The following SH2D3A variants were observed in gnomAD, a reference collection of about 807,000 sequenced individuals.
The protein encoded by SH2D3A is SH2 domain containing 3A.
A neutral mutation model predicts 50.6 loss-of-function variants in SH2D3A; 46 were observed. That is an observed-to-expected ratio of 0.91 (90% CI 0.72 to 1.16). SH2D3A has a LOEUF of 1.16. Ranked by LOEUF, SH2D3A falls within the 50% of genes most tolerant of loss-of-function variation. The probability of loss-of-function intolerance (pLI) is 0.00; values close to 1 mark genes in which losing one functional copy is unlikely to be tolerated. For synonymous variants in SH2D3A, 377 were observed against 348.4 expected, an observed-to-expected ratio of 1.08 and a Z score of -0.91; for missense variants, 783 against 786.2, an observed-to-expected ratio of 1.00 and a Z score of 0.05.
In SH2D3A at chr19:6,755,178, T is replaced by C; in HGVS notation, c.634A>G (p.Lys212Glu). Residue 212 changes from lysine to glutamate, a missense_variant, in exon 5 of 10, where the codon AAG becomes GAG. Physicochemically the swap from Lys to Glu is moderately conservative, Grantham distance 56 (BLOSUM62 1). Coordinates refer to ENST00000245908, the MANE Select transcript of SH2D3A (RefSeq NM_005490.3). ...DGQLQAKAPT[K>E]PPRTPSFELP... The stretch of plus-strand genomic sequence containing the variant: ...TCGAAGGAGGGTGTCCGGGGGGGCT[T>C]CGTTGGTGCCTTGGCTTGAAGCTGC... 1 of 1,598,268 alleles carries C rather than the reference T, an allele frequency of 6.3e-7. No individual in the cohort carries two copies. Among genetic ancestry groups the C allele is most frequent in the Non-Finnish European group, 8.5e-7 (1 of 1,170,284 alleles).
At chr19:6,761,234 G>C in intron 2 of SH2D3A, 1 of 508,308 alleles carries the variant, frequency 2.0e-6, no homozygotes, top group Non-Finnish European at 3.5e-6. Context: ...CCAATGGGAT[G>C]TGGGGTAGAA....
chr19:6,761,930 C>T (rs1193116577), intron 2 of SH2D3A, among the ~76,000 whole-genome samples: 1 of 136,366 alleles, frequency 7.3e-6, no homozygotes, highest in Non-Finnish European at 1.5e-5. Flanking sequence ...GCATGGGTGA[C>T]AGAGTGAGAT....
chr19:6,764,558 A>G (rs1469927973), intron 1 of SH2D3A: 1 of 152,182 alleles, frequency 6.6e-6, no homozygotes, highest in Non-Finnish European at 1.5e-5. Context: ...CATTGAACAA[A>G]ACAGATGGAA....
chr19:6,763,614 G>A, intron 2 of SH2D3A, 66 bp downstream of exon 2: 2 of 1,491,000 alleles, frequency 1.3e-6, no homozygotes, highest in South Asian at 1.2e-5. Flanking sequence ...AGGGACCCAG[G>A]AATCCTCAGC....
rs554493521 is a variant in SH2D3A at position 6,760,303 on chromosome 19, G to A, written c.419+335C>T. 2.3e-3 allele frequency among the ~76,000 whole-genome samples: 352 copies of A among 152,336 alleles called. 1 individual carries two copies. Among genetic ancestry groups the A allele is most frequent in the African/African-American group, 7.9e-3 (327 of 41,564 alleles). On this transcript the variant is annotated intron_variant, in intron 3 of 9. Transcript: ENST00000245908. ...AGACAGGAGAATTGCTTGAACCCGG[G>A]AGGCGGAGGTTGCAGTGGGCTGAGA...
At position 6,760,798 on chromosome 19, in the gene SH2D3A, T is replaced by TG; in HGVS notation, c.258dup (p.Ser87GlnfsTer39). The stretch of plus-strand genomic sequence containing the variant: ...TAACTGTGAACCAGAGCCGGTATGC[T>TG]GGGGAATTGCTCATCCTCCAGTTGA... On this transcript the variant is annotated frameshift_variant, in exon 3 of 10. Coordinates refer to ENST00000245908, the MANE Select transcript of SH2D3A (RefSeq NM_005490.3). LOFTEE classifies it high-confidence loss of function. The TG allele has an allele frequency of 1.2e-6, 2 of 1,614,254 alleles. No homozygotes were observed. The highest frequency in any genetic ancestry group is 1.7e-6 in the Non-Finnish European group (2 of 1,180,040).
intron 2 of SH2D3A, among the ~76,000 whole-genome samples, chr19:6,762,700 G>C (rs1361114319): frequency 1.5e-5 from 2 of 132,228 alleles, no homozygotes; most frequent in Non-Finnish European, 3.2e-5. Flanking sequence ...TTTTTTTTGT[G>C]TAGAGACAGA....
At chr19:6,765,438 A>G (rs36053890) in intron 1 of SH2D3A, among the ~76,000 whole-genome samples, 15,437 of 152,010 alleles carry the variant, frequency 0.1, 905 homozygotes, top group South Asian at 0.21. Flanking sequence ...TCTAACCCCT[A>G]TTCTTTGCTT....
In SH2D3A at chr19:6,760,943, G is replaced by A. The variant is rs371648594; in HGVS notation, c.114C>T (p.Arg38=). 3.0e-5 allele frequency: 49 copies of A among 1,613,394 alleles called. No homozygotes were observed. The highest frequency in any genetic ancestry group is 2.9e-4 in the East Asian group (13 of 44,898). ...LLQQNGDFLV[R]ASGSRGGNPV... ...GGTTGCCCCCACGGGACCCAGAGGC[G>A]CGAACCAGGAAGTCGCCATTTTGCT... Residue 38 remains arginine (R), a synonymous_variant, in exon 3 of 10, where the codon CGC becomes CGT. Transcript: ENST00000245908.
intron 2 of SH2D3A, among the ~76,000 whole-genome samples, chr19:6,763,255 G>A (rs1018931481): frequency 6.6e-6 from 1 of 151,878 alleles, no homozygotes; most frequent in Non-Finnish European, 1.5e-5. Flanking sequence ...TTAGAGATGG[G>A]GTTTCACAAT....
At chr19:6,761,251 T>A in intron 2 of SH2D3A, 1 of 462,130 alleles carries the variant, frequency 2.2e-6, no homozygotes, top group Admixed American at 3.9e-5. Context: ...AGAAGGGCTA[T>A]GGGAAATATC....
At chr19:6,757,879 G>T (rs1021686600) in intron 4 of SH2D3A, 2 of 152,150 alleles carry the variant, frequency 1.3e-5, no homozygotes, top group East Asian at 3.9e-4. Context: ...GGAGGTGGAG[G>T]TTGCAGTGAG....
chr19:6,759,742 C>A, intron 3 of SH2D3A, 72 bp from the exon 4 acceptor site: 1 of 1,479,128 alleles, frequency 6.8e-7, no homozygotes. Flanking sequence ...CTGCAAAACC[C>A]TGTGTCCAGT....
rs1023691877 is a variant in SH2D3A at position 6,754,963 on chromosome 19, A to C, written c.849T>G (p.His283Gln). 3 of 1,613,916 alleles carry C rather than the reference A, an allele frequency of 1.9e-6. No individual in the cohort carries two copies. The highest frequency in any genetic ancestry group is 2.5e-6 in the Non-Finnish European group (3 of 1,179,922). ...GGCCCAGCAGGCAGGAGGGGGCATCATGGGGGCAGAAAGAGATCTCAGCCT... is the reference window on the plus strand; with the variant it reads ...GGCCCAGCAGGCAGGAGGGGGCATCCTGGGGGCAGAAAGAGATCTCAGCCT... Reference protein sequence around the residue: ...RPQAEISFCPHDAPSCLLGPQ... With the variant: ...RPQAEISFCPQDAPSCLLGPQ... The change falls in exon 5 of 10, where the codon CAT (histidine) becomes CAG (glutamine). Residue 283 changes from histidine to glutamine, a missense_variant. Physicochemically the swap from His to Gln is conservative, Grantham distance 24 (BLOSUM62 0). Coordinates refer to ENST00000245908, the MANE Select transcript of SH2D3A (RefSeq NM_005490.3).
intron 4 of SH2D3A, 59 bp from the exon 5 acceptor site, chr19:6,755,374 G>A (rs1027833040): frequency 2.4e-6 from 3 of 1,259,070 alleles, no homozygotes; most frequent in East Asian, 2.5e-5. Context: ...TGAATGGGCG[G>A]GGGTGAGAGC....
Position 6,753,767 on chromosome 19 carries a change from C to T in SH2D3A, c.1385-126G>A, listed in dbSNP as rs1390721874. 1.3e-5 allele frequency: 14 copies of T among 1,071,408 alleles called. 1 individual carries two copies. The highest frequency in any genetic ancestry group is 8.6e-5 in the South Asian group (5 of 58,164). 66.4% of individuals were successfully genotyped at this position (1,071,408 alleles called of 1,614,324 possible). ...CGACAGCGGGGTCTGTGGAGAGGGG[C>T]CAGGACCACACGCCCCGTATGGAGG... On this transcript the variant is annotated intron_variant, in intron 8 of 9. Transcript: ENST00000245908.
chr19:6,752,503 G>A lies in SH2D3A; in HGVS notation c.*90C>T, dbSNP rs1969369528. The A allele has an allele frequency of 1.6e-6, 2 of 1,255,966 alleles. No homozygotes were observed. Among genetic ancestry groups the A allele is most frequent in the Admixed American group, 2.9e-5 (1 of 34,122 alleles). The allele number at this position is 1,255,966 out of a possible 1,614,324, so 77.8% of individuals were successfully genotyped here. On this transcript the variant is annotated 3_prime_UTR_variant, in exon 10 of 10. Transcript: ENST00000245908. Reference sequence around the variant, plus strand: ...AGGCACAGGGCAGGATTCCACCTGAGGCGCGAGGAGCCTGGGACGACTCCT... The same window carrying A: ...AGGCACAGGGCAGGATTCCACCTGAAGCGCGAGGAGCCTGGGACGACTCCT...
chr19:6,760,903 G>A lies in SH2D3A; in HGVS notation c.154C>T (p.Arg52Cys), dbSNP rs764885044. The A allele has an allele frequency of 1.4e-5, 23 of 1,614,100 alleles. No individual in the cohort carries two copies. Among genetic ancestry groups the A allele is most frequent in the Non-Finnish European group, 1.5e-5 (18 of 1,180,044 alleles). ...SRGGNPVISC[R>C]WRGSALHFEV... Reference sequence around the variant, plus strand: ...AAATGGAGGGCTGAGCCCCGCCAGCGGCAGGAGATCACGGGGTTGCCCCCA... The same window carrying A: ...AAATGGAGGGCTGAGCCCCGCCAGCAGCAGGAGATCACGGGGTTGCCCCCA... The change falls in exon 3 of 10, where the codon CGC becomes TGC. Residue 52 changes from arginine to cysteine, a missense_variant. By Grantham distance (180) the Arg-to-Cys change is radical. Transcript: ENST00000245908.
At chr19:6,759,270 C>T (rs1192654599) in intron 4 of SH2D3A, 3 of 267,266 alleles carry the variant, frequency 1.1e-5, no homozygotes, top group African/African-American at 4.5e-5. Context: ...CGTGCCACCA[C>T]GCTCGGCTAA....
Sources: gnomAD v4.1 joint callset for allele counts (sites outside exome capture counted in the v4.1 genomes callset) on GRCh38, gnomAD v4.1.1 for gene constraint, MANE v1.5 for transcripts, NCBI Gene and HGNC (gene_info 2026-07-23, HGNC 2026-07-21) for gene names.